KCNMA1: variants seen among roughly 807,000 people sequenced by gnomAD.
The protein encoded by KCNMA1 is Calcium-activated potassium channel subunit alpha-1.
KCNMA1 carries 29 observed loss-of-function variants against 140.0 expected under a neutral mutation model. That is an observed-to-expected ratio of 0.21 (90% CI 0.15 to 0.28). KCNMA1 has a LOEUF of 0.28. KCNMA1 is among the 10% of genes least tolerant of loss of function. KCNMA1 has a pLI of 1.00. For synonymous variants in KCNMA1, 612 were observed against 611.9 expected (o/e 1.00, Z 0.00); for missense variants, 880 against 1,602.2 (o/e 0.55, Z 7.70).
At position 77,079,463 on chromosome 10, in the gene KCNMA1, G is replaced by A. The variant is rs189310292; in HGVS notation, c.1593+18C>T. The A allele has an allele frequency of 1.7e-4, 271 of 1,566,406 alleles. No homozygotes were observed. In the South Asian group the frequency reaches 2.4e-3, roughly 14 times the overall value. On this transcript the variant is annotated intron_variant, in intron 13 of 27. Transcript: ENST00000286628. Reference sequence around the variant, plus strand: ...GTGGATGGGTCTTCAGACCTGGAGCGGGCTCTCGCACTCCTACCTTGTTGT... The same window carrying A: ...GTGGATGGGTCTTCAGACCTGGAGCAGGCTCTCGCACTCCTACCTTGTTGT...
At chr10:76,917,223 C>T (rs528000815) in intron 23 of KCNMA1, among the ~76,000 whole-genome samples, 6 of 152,300 alleles carry the variant, frequency 3.9e-5, no homozygotes, top group African/African-American at 7.2e-5. Context: ...ATTTCTTCAA[C>T]TTGACAAGTA....
chr10:77,337,957 T>C (rs576693282), intron 2 of KCNMA1, among the ~76,000 whole-genome samples: 4 of 152,280 alleles, frequency 2.6e-5, no homozygotes, highest in African/African-American at 9.6e-5. Context: ...AGCAGGGGTT[T>C]CAGTACAACC....
At chr10:77,350,397 C>A (rs969229202) in intron 2 of KCNMA1, 1 of 152,148 alleles carries the variant, frequency 6.6e-6, no homozygotes, top group Non-Finnish European at 1.5e-5. Flanking sequence ...GGGTGTAGAC[C>A]AGAGCAGGGG....
At chr10:77,083,785 T>A (rs1371798022) in intron 12 of KCNMA1, among the ~76,000 whole-genome samples, 2 of 142,456 alleles carry the variant, frequency 1.4e-5, no homozygotes, top group Non-Finnish European at 3.0e-5. Context: ...TAGTGAGCTA[T>A]GATTGAGTCC....
chr10:77,011,746 G>A (rs995116294), intron 18 of KCNMA1, among the ~76,000 whole-genome samples: 4 of 152,182 alleles, frequency 2.6e-5, no homozygotes, highest in African/African-American at 9.6e-5. Flanking sequence ...CTAGGCACAG[G>A]TTTCATTCCT....
intron 2 of KCNMA1, among the ~76,000 whole-genome samples, chr10:77,359,602 G>A (rs949750088): frequency 3.9e-5 from 6 of 152,196 alleles, no homozygotes; most frequent in Admixed American, 6.5e-5. Context: ...TCCCACGCCA[G>A]GGACAAGTAT....
At position 76,906,982 on chromosome 10, in the gene KCNMA1, A is replaced by G. The variant is rs1181201388; in HGVS notation, c.3147+2984T>C. 4.6e-5 allele frequency among the ~76,000 whole-genome samples: 7 copies of G among 152,344 alleles called. No homozygotes were observed. In the East Asian group the frequency reaches 1.2e-3, roughly 25 times the overall value. ...TTAATGATTTGAAAAGTTACCATCA[A>G]TGACTTACTTAAATATGTCTTGCTT... On this transcript the variant is annotated intron_variant, in intron 25 of 27. Transcript: ENST00000286628.
chr10:77,061,584 G>C (rs1258483095), intron 14 of KCNMA1, among the ~76,000 whole-genome samples: 2 of 152,152 alleles, frequency 1.3e-5, no homozygotes, highest in African/African-American at 2.4e-5. Flanking sequence ...AGTCCTTCTG[G>C]AAAACACTTT....
intron 1 of KCNMA1, among the ~76,000 whole-genome samples, chr10:77,409,651 G>C (rs1033181480): frequency 3.3e-5 from 5 of 152,168 alleles, no homozygotes; most frequent in Non-Finnish European, 5.9e-5. Context: ...GCCTTCCCCA[G>C]CCACGACAGC....
chr10:77,099,086 G>A lies in KCNMA1; in HGVS notation c.1224-8576C>T, dbSNP rs190358480. ...CATTTTTAATGCTGCTTCTGTACAA[G>A]CAGAGACTGAGAGAAGACTAAGGCA... On this transcript the variant is annotated intron_variant, in intron 9 of 27. Coordinates refer to ENST00000286628, the MANE Select transcript of KCNMA1 (RefSeq NM_001161352.2). Among the ~76,000 whole-genome samples the A allele has an allele frequency of 8.1e-3, 1,230 of 152,118 alleles. 16 individuals are homozygous for A. Among genetic ancestry groups the A allele is most frequent in the African/African-American group, 0.028 (1,154 of 41,478 alleles).
At chr10:77,330,776 G>T (rs1163006015) in intron 2 of KCNMA1, among the ~76,000 whole-genome samples, 1 of 152,152 alleles carries the variant, frequency 6.6e-6, no homozygotes, top group Admixed American at 6.5e-5. Context: ...GAGAACTCAA[G>T]TTCAAGGGAG....
At chr10:77,472,198 CCA>C (rs372536352) in intron 1 of KCNMA1, among the ~76,000 whole-genome samples, 105 of 150,464 alleles carry the variant, frequency 7.0e-4, no homozygotes, top group Middle Eastern at 3.5e-3. Flanking sequence ...CACAAATACA[CCA>C]CACACACACA....
At chr10:77,636,369 C>A (rs547311229) in intron 1 of KCNMA1, 1 of 1,533,482 alleles carries the variant, frequency 6.5e-7, no homozygotes, top group Non-Finnish European at 8.7e-7. Flanking sequence ...TGCCGGTGGG[C>A]GTCTGCACCA....
intron 23 of KCNMA1, among the ~76,000 whole-genome samples, chr10:76,925,403 A>C (rs2152566311): frequency 6.6e-6 from 1 of 152,288 alleles, no homozygotes; most frequent in South Asian, 2.1e-4. Context: ...TTTCCAGTAA[A>C]CTAGAGGCTT....
intron 2 of KCNMA1, among the ~76,000 whole-genome samples, chr10:77,331,022 A>G (rs1010007874): frequency 1.3e-5 from 2 of 152,156 alleles, no homozygotes; most frequent in African/African-American, 2.4e-5. Context: ...TCCAACGTAC[A>G]GAGCCACACG....
At chr10:77,527,728 G>T (rs746939418) in intron 1 of KCNMA1, among the ~76,000 whole-genome samples, 1 of 152,204 alleles carries the variant, frequency 6.6e-6, no homozygotes, top group Non-Finnish European at 1.5e-5. Context: ...AGGTGAGGCT[G>T]GTGGGGAGTG....
chr10:77,540,276 T>C (rs1019025407), intron 1 of KCNMA1, among the ~76,000 whole-genome samples: 1 of 152,210 alleles, frequency 6.6e-6, no homozygotes, highest in African/African-American at 2.4e-5. Flanking sequence ...TGGGGTGTTT[T>C]AAAAGGGAAG....
chr10:77,463,373 G>A (rs768218006), intron 1 of KCNMA1, among the ~76,000 whole-genome samples: 4 of 152,086 alleles, frequency 2.6e-5, no homozygotes, highest in Non-Finnish European at 5.9e-5. Flanking sequence ...TCTATAAAAC[G>A]GGGTGAATAA....
intron 2 of KCNMA1, among the ~76,000 whole-genome samples, chr10:77,341,531 C>A (rs1488719193): frequency 6.6e-6 from 1 of 152,176 alleles, no homozygotes; most frequent in Admixed American, 6.5e-5. Flanking sequence ...TTCCCTCTCC[C>A]AGGTCAAGAG....
Sources: allele counts gnomAD v4.1 joint callset (sites outside exome capture counted in the v4.1 genomes callset), GRCh38; gene constraint gnomAD v4.1.1; transcripts MANE v1.5; gene names NCBI Gene and HGNC (gene_info 2026-07-23, HGNC 2026-07-21).